The following ERP44 variants were observed in gnomAD, a reference collection of about 807,000 sequenced individuals.
ERP44 encodes the protein endoplasmic reticulum resident protein 44.
In ERP44, 25 loss-of-function variants were observed where a neutral mutation model predicts 53.4. The observed-to-expected ratio is 0.47, with a 90% confidence interval of 0.34 to 0.65. ERP44 has a LOEUF of 0.65. Among genes scored for constraint, ERP44 ranks in the 30% least tolerant of loss-of-function variants. ERP44 has a pLI of 0.01. For missense variants in ERP44, 338 were observed against 493.2 expected, an observed-to-expected ratio of 0.69 and a Z score of 2.98; for synonymous variants, 145 against 161.2, an observed-to-expected ratio of 0.90 and a Z score of 0.76.
At chr9:100,028,746 G>A (rs1830679513) in intron 4 of ERP44, among the ~76,000 whole-genome samples, 2 of 152,176 alleles carry the variant, frequency 1.3e-5, no homozygotes, top group African/African-American at 2.4e-5. Context: ...CAGCTTGGAA[G>A]AAATTCCTAG....
rs1830135519 is a variant in ERP44 at position 99,980,307 on chromosome 9, C to T, written c.*2305G>A. The T allele has an allele frequency of 2.8e-6, 1 of 353,390 alleles. No homozygotes were observed. The highest frequency in any genetic ancestry group is 5.1e-6 in the Non-Finnish European group (1 of 197,940). 21.9% of individuals were successfully genotyped at this position (353,390 alleles called of 1,614,324 possible). A position where few individuals can be genotyped will look rare whatever the true frequency, so the allele number is the denominator to read the frequency against. ...GCTTTACATCTTTCATCATATACTACAGCACCAAAAAACTTGCACTGAATA... is the reference window on the plus strand; with the variant it reads ...GCTTTACATCTTTCATCATATACTATAGCACCAAAAAACTTGCACTGAATA... On this transcript the variant is annotated 3_prime_UTR_variant, in exon 12 of 12. Transcript: ENST00000262455.
chr9:100,009,466 C>T (rs1174458577), intron 8 of ERP44, among the ~76,000 whole-genome samples: 1 of 152,108 alleles, frequency 6.6e-6, no homozygotes, highest in East Asian at 1.9e-4. Flanking sequence ...AGTAGTGATT[C>T]CCATCTCCCC....
intron 1 of ERP44, among the ~76,000 whole-genome samples, chr9:100,091,701 T>C (rs927898999): frequency 1.3e-5 from 2 of 152,222 alleles, no homozygotes; most frequent in African/African-American, 4.8e-5. Flanking sequence ...CCAAGACTAC[T>C]CTGATTCCTC....
chr9:100,051,834 A>G lies in ERP44; in HGVS notation c.286+583T>C, dbSNP rs144193433. Among the ~76,000 whole-genome samples the G allele has an allele frequency of 1.9e-4, 29 of 152,330 alleles. 1 individual carries two copies. In the East Asian group the frequency reaches 5.4e-3, roughly 28 times the overall value. On this transcript the variant is annotated intron_variant, in intron 4 of 11. Coordinates refer to ENST00000262455, the MANE Select transcript of ERP44 (RefSeq NM_015051.3). Reference sequence around the variant, plus strand: ...TTTATAGAGAATGCTCCACCAGGACAAGCAAAATGCAAGAGGTTGGATTTT... The same window carrying G: ...TTTATAGAGAATGCTCCACCAGGACGAGCAAAATGCAAGAGGTTGGATTTT...
intron 1 of ERP44, among the ~76,000 whole-genome samples, chr9:100,092,527 T>TA (rs1370715744): frequency 2.0e-5 from 3 of 152,232 alleles, no homozygotes; most frequent in African/African-American, 7.2e-5. Context: ...AGTCGGAACT[T>TA]ACATAGATGC....
At chr9:100,012,535 A>T (rs138973472) in intron 8 of ERP44, among the ~76,000 whole-genome samples, 1 of 152,352 alleles carries the variant, frequency 6.6e-6, no homozygotes, top group African/African-American at 2.4e-5. Context: ...CCAAGCAGAC[A>T]CACCCAGAGA....
At chr9:100,095,245 A>G (rs1398715367) in intron 1 of ERP44, among the ~76,000 whole-genome samples, 1 of 152,214 alleles carries the variant, frequency 6.6e-6, no homozygotes, top group African/African-American at 2.4e-5. Flanking sequence ...AGAGAAACAT[A>G]AAACCCCACA....
intron 1 of ERP44, among the ~76,000 whole-genome samples, chr9:100,062,564 T>C (rs1045323677): frequency 3.3e-5 from 5 of 152,190 alleles, no homozygotes; most frequent in African/African-American, 4.8e-5. Context: ...ATATTTACAG[T>C]GTCTACTAGG....
intron 1 of ERP44, among the ~76,000 whole-genome samples, chr9:100,095,707 G>T (rs1283290534): frequency 1.3e-5 from 2 of 152,040 alleles, no homozygotes; most frequent in Non-Finnish European, 2.9e-5. Context: ...TGATTCTAAT[G>T]AGCAGCCAGG....
At chr9:100,064,564 G>A (rs1359952525) in intron 1 of ERP44, among the ~76,000 whole-genome samples, 1 of 152,174 alleles carries the variant, frequency 6.6e-6, no homozygotes, top group African/African-American at 2.4e-5. Context: ...CCCACCTATT[G>A]CAGAAACCCC....
chr9:100,019,360 A>T (rs1587964570), intron 6 of ERP44, among the ~76,000 whole-genome samples: 1 of 152,318 alleles, frequency 6.6e-6, no homozygotes, highest in East Asian at 1.9e-4. Flanking sequence ...CCTGGGCAAC[A>T]TGGTGAGACC....
At chr9:100,045,608 T>C (rs1171963622) in intron 4 of ERP44, among the ~76,000 whole-genome samples, 1 of 152,196 alleles carries the variant, frequency 6.6e-6, no homozygotes, top group East Asian at 1.9e-4. Context: ...TAGAAACTTT[T>C]TACAGGAACT....
chr9:100,064,369 G>A (rs778177217), intron 1 of ERP44, among the ~76,000 whole-genome samples: 4 of 152,216 alleles, frequency 2.6e-5, no homozygotes, highest in East Asian at 1.9e-4. Context: ...TATTGGATAT[G>A]AGAAGTAGGA....
chr9:100,060,135 GT>G lies in ERP44; in HGVS notation c.94del (p.Thr32GlnfsTer8). 6.7e-7 allele frequency: 1 copy of G among 1,497,382 alleles called. No homozygotes were observed. The highest frequency in any genetic ancestry group is 2.4e-5 in the Admixed American group (1 of 41,778). The allele number at this position is 1,497,382 out of a possible 1,614,324, so 92.8% of individuals were successfully genotyped here. ...WVFTPVTTEI[T>X]SLDTENIDEI... ...ATCTATATTCTCTGTATCAAGACTT[GT>G]TATTTCAGTTGTTACAGGAGTAAAA... On this transcript the variant is annotated frameshift_variant, in exon 2 of 12. Transcript: ENST00000262455. LOFTEE classifies it high-confidence loss of function.
At chr9:100,083,452 A>G (rs1039170206) in intron 1 of ERP44, among the ~76,000 whole-genome samples, 4 of 152,240 alleles carry the variant, frequency 2.6e-5, no homozygotes, top group Non-Finnish European at 4.4e-5. Context: ...TATCAGCTAC[A>G]GCAAAAAATA....
intron 11 of ERP44, among the ~76,000 whole-genome samples, chr9:99,983,790 A>C (rs1454889175): frequency 6.6e-6 from 1 of 152,120 alleles, no homozygotes; most frequent in Non-Finnish European, 1.5e-5. Context: ...ATACATTTTT[A>C]ATTTTTTCAG....
At chr9:100,052,842 C>T (rs970987257) in intron 3 of ERP44, among the ~76,000 whole-genome samples, 1 of 152,074 alleles carries the variant, frequency 6.6e-6, no homozygotes, top group African/African-American at 2.4e-5. Context: ...TGAAATAAGC[C>T]CTCTACAAAG....
At chr9:100,017,276 G>A (rs1263192627) in intron 7 of ERP44, among the ~76,000 whole-genome samples, 1 of 152,200 alleles carries the variant, frequency 6.6e-6, no homozygotes, top group Non-Finnish European at 1.5e-5. Context: ...AGCAAGTACT[G>A]TTTTTATCAT....
chr9:99,998,461 C>G (rs553316244), intron 10 of ERP44: 103 of 696,188 alleles, frequency 1.5e-4, no homozygotes, highest in East Asian at 2.7e-4. Flanking sequence ...CGTCATCACA[C>G]CTCTGCACTC....
Sources: gnomAD v4.1 joint callset for allele counts (sites outside exome capture counted in the v4.1 genomes callset) on GRCh38, gnomAD v4.1.1 for gene constraint, MANE v1.5 for transcripts, NCBI Gene and HGNC (gene_info 2026-07-23, HGNC 2026-07-21) for gene names.